Variants in GABBR2 observed in about 807,000 individuals in gnomAD.
GABBR2 encodes G-protein coupled receptor 51.
GABBR2 carries 23 observed loss-of-function variants against 105.6 expected under a neutral mutation model. The observed-to-expected ratio is 0.22, with a 90% confidence interval of 0.16 to 0.31. GABBR2 has a LOEUF of 0.31. Ranked by LOEUF, GABBR2 falls within the 10% of genes least tolerant of loss-of-function variation. GABBR2 has a pLI of 1.00. For missense variants in GABBR2, 734 were observed against 1,245.5 expected, an observed-to-expected ratio of 0.59 and a Z score of 6.18; for synonymous variants, 478 against 499.7, an observed-to-expected ratio of 0.96 and a Z score of 0.58.
At chr9:98,693,163 A>G (rs927068510) in intron 1 of GABBR2, among the ~76,000 whole-genome samples, 6 of 152,142 alleles carry the variant, frequency 3.9e-5, no homozygotes, top group African/African-American at 1.4e-4. Context: ...CCTTGCTACC[A>G]TGGCCTCATC....
intron 7 of GABBR2, among the ~76,000 whole-genome samples, chr9:98,453,243 C>G (rs552153779): frequency 1.9e-4 from 29 of 152,368 alleles, no homozygotes; most frequent in African/African-American, 6.7e-4. Context: ...TCAGGCTGCT[C>G]TCGAACTCCT....
chr9:98,292,905 C>T (rs1172844435), intron 18 of GABBR2, among the ~76,000 whole-genome samples: 1 of 152,224 alleles, frequency 6.6e-6, no homozygotes, highest in Admixed American at 6.5e-5. Flanking sequence ...TGCTTACACT[C>T]TACTGGAGGC....
rs1830555994 is a variant in GABBR2, at chr9:98,306,703, GGTCT to G, written c.2005-362_2005-359del. The G allele has an allele frequency of 6.5e-6, 2 of 306,138 alleles. No individual in the cohort carries two copies. Among genetic ancestry groups the G allele is most frequent in the African/African-American group, 4.3e-5 (2 of 46,460 alleles). 19.0% of individuals were successfully genotyped at this position (306,138 alleles called of 1,614,324 possible). A position where few individuals can be genotyped will look rare whatever the true frequency, so the allele number is the denominator to read the frequency against. ...ATACTAATATCCAGAAGGGTGAAGA[GGTCT>G]GCCCAAGGCCGCACAGCAATATGGT... On this transcript the variant is annotated intron_variant, in intron 14 of 18. Transcript: ENST00000259455. The surrounding 1 kb of genome is among the most constrained non-coding windows in gnomAD (Gnocchi z 5.4).
intron 2 of GABBR2, among the ~76,000 whole-genome samples, chr9:98,571,509 C>T (rs756817477): frequency 6.6e-6 from 1 of 152,136 alleles, no homozygotes; most frequent in Non-Finnish European, 1.5e-5. Flanking sequence ...GTCACCTGAG[C>T]CACTGGTACT....
intron 6 of GABBR2, among the ~76,000 whole-genome samples, chr9:98,470,234 T>C (rs762339565): frequency 2.0e-5 from 3 of 152,150 alleles, no homozygotes; most frequent in Admixed American, 6.5e-5. Flanking sequence ...TCTTGGTAAT[T>C]GTGTTAGTCC....
chr9:98,459,827 A>G (rs1826393035), intron 6 of GABBR2, among the ~76,000 whole-genome samples: 1 of 152,238 alleles, frequency 6.6e-6, no homozygotes, highest in African/African-American at 2.4e-5. Flanking sequence ...CTGAAACCGA[A>G]CCTGGAATCA....
In GABBR2 at chr9:98,496,129, A is replaced by C. The variant is rs1348217448; in HGVS notation, c.732+284T>G. 1.4e-5 allele frequency: 6 copies of C among 425,506 alleles called. No individual in the cohort carries two copies. In the East Asian group the frequency reaches 2.1e-4, roughly 15 times the overall value. 26.4% of individuals were successfully genotyped at this position (425,506 alleles called of 1,614,324 possible). A position where few individuals can be genotyped will look rare whatever the true frequency, so the allele number is the denominator to read the frequency against. On this transcript the variant is annotated intron_variant, in intron 4 of 18. Coordinates refer to ENST00000259455, the MANE Select transcript of GABBR2 (RefSeq NM_005458.8). ...ACTCTTCAAAACAGACATGACAATCATGTGTGCCCTGCTTGCCCCTGAGGC... is the reference window on the plus strand; with the variant it reads ...ACTCTTCAAAACAGACATGACAATCCTGTGTGCCCTGCTTGCCCCTGAGGC...
chr9:98,419,900 C>G (rs892852188), intron 7 of GABBR2, among the ~76,000 whole-genome samples: 1 of 152,058 alleles, frequency 6.6e-6, no homozygotes, highest in South Asian at 2.1e-4. Flanking sequence ...CAGGAGAGCG[C>G]GAGTCCTCCA....
intron 2 of GABBR2, among the ~76,000 whole-genome samples, chr9:98,559,307 T>G (rs1170111336): frequency 6.6e-6 from 1 of 152,160 alleles, no homozygotes; most frequent in African/African-American, 2.4e-5. Flanking sequence ...TTTTTGTATT[T>G]TTAGTAGAGA....
At chr9:98,343,860 TAAAA>T (rs922212489) in intron 13 of GABBR2, among the ~76,000 whole-genome samples, 1 of 150,012 alleles carries the variant, frequency 6.7e-6, no homozygotes, top group Admixed American at 6.6e-5. Flanking sequence ...TCCGTCAAAA[TAAAA>T]AAAAGAAAAA....
At chr9:98,420,699 G>A (rs1297325799) in intron 7 of GABBR2, among the ~76,000 whole-genome samples, 1 of 152,228 alleles carries the variant, frequency 6.6e-6, no homozygotes, top group Non-Finnish European at 1.5e-5. Flanking sequence ...GCTTCCTGGA[G>A]AGAGGGTTTC....
chr9:98,623,013 A>G (rs759162286), intron 1 of GABBR2, among the ~76,000 whole-genome samples: 6 of 152,114 alleles, frequency 3.9e-5, no homozygotes, highest in Non-Finnish European at 7.3e-5. Flanking sequence ...TCTGGTGGGG[A>G]TGTTGATAAT....
At chr9:98,646,162 C>T (rs1359369375) in intron 1 of GABBR2, among the ~76,000 whole-genome samples, 1 of 152,108 alleles carries the variant, frequency 6.6e-6, no homozygotes, top group Non-Finnish European at 1.5e-5. Flanking sequence ...AAGAGAGTTC[C>T]CACTCCCCTC....
chr9:98,427,298 G>A (rs1427868853), intron 7 of GABBR2, among the ~76,000 whole-genome samples: 1 of 152,106 alleles, frequency 6.6e-6, no homozygotes. Context: ...GCTTGGGGGC[G>A]TCCTCATTCC....
chr9:98,400,728 T>C (rs917510323), intron 8 of GABBR2, among the ~76,000 whole-genome samples: 2 of 152,152 alleles, frequency 1.3e-5, no homozygotes, highest in Non-Finnish European at 2.9e-5. Flanking sequence ...ACCATGGAGA[T>C]GTCTTTAGAA....
At chr9:98,292,207 A>T (rs566388240) in intron 18 of GABBR2, among the ~76,000 whole-genome samples, 1 of 152,368 alleles carries the variant, frequency 6.6e-6, no homozygotes, top group South Asian at 2.1e-4. Flanking sequence ...CTGGCCACTC[A>T]CGTGCAAAAA....
chr9:98,413,455 T>C (rs1050543024), intron 7 of GABBR2, among the ~76,000 whole-genome samples: 1 of 152,224 alleles, frequency 6.6e-6, no homozygotes, highest in Non-Finnish European at 1.5e-5. Context: ...AATATTCTTT[T>C]TTTTTTCTTT....
intron 8 of GABBR2, among the ~76,000 whole-genome samples, chr9:98,398,578 G>A (rs1191227699): frequency 1.3e-5 from 2 of 152,122 alleles, no homozygotes; most frequent in Non-Finnish European, 2.9e-5. Flanking sequence ...CATGGGTCCT[G>A]GGTCTGTGCT....
At chr9:98,463,966 C>T (rs1053071830) in intron 6 of GABBR2, among the ~76,000 whole-genome samples, 8 of 152,192 alleles carry the variant, frequency 5.3e-5, no homozygotes, top group Non-Finnish European at 1.0e-4. Context: ...AGTGCAGTGG[C>T]GTGATCTTGG....
Sources: gnomAD v4.1 joint callset for allele counts (sites outside exome capture counted in the v4.1 genomes callset) on GRCh38, gnomAD v4.1.1 for gene constraint, Gnocchi (gnomAD v3.1) non-coding constraint, MANE v1.5 for transcripts, NCBI Gene and HGNC (gene_info 2026-07-23, HGNC 2026-07-21) for gene names.